MOXD1: variants seen among roughly 807,000 people sequenced by gnomAD.
MOXD1 encodes the protein DBH-like monooxygenase protein 1.
In MOXD1, 62 loss-of-function variants were observed where a neutral mutation model predicts 66.6. The observed-to-expected ratio is 0.93, with a 90% CI of 0.76 to 1.15. The LOEUF (loss-of-function observed/expected upper bound fraction) is 1.15. Ranked by LOEUF, MOXD1 falls within the 50% of genes most tolerant of loss-of-function variation. The pLI is 0.00. For missense variants in MOXD1, 847 were observed against 754.6 expected (o/e 1.12, Z -1.44); for synonymous variants, 303 against 281.9 (o/e 1.07, Z -0.75).
chr6:132,324,443 GAATA>G (rs1374667817), intron 6 of MOXD1, among the ~76,000 whole-genome samples: 4 of 152,124 alleles, frequency 2.6e-5, no homozygotes, highest in South Asian at 2.1e-4. Flanking sequence ...TTAGAATATA[GAATA>G]AATAACTTAA....
intron 10 of MOXD1, among the ~76,000 whole-genome samples, chr6:132,310,960 T>G (rs1339347832): frequency 6.6e-6 from 1 of 151,934 alleles, no homozygotes; most frequent in Non-Finnish European, 1.5e-5. Flanking sequence ...TGTATCCCGT[T>G]TTTTGTTTGT....
intron 6 of MOXD1, 84 bp from the exon 7 acceptor site, chr6:132,324,181 A>G (rs1775140238): frequency 7.2e-7 from 1 of 1,382,738 alleles, no homozygotes; most frequent in Non-Finnish European, 1.0e-6. Context: ...TGAATTTTTT[A>G]AAGTTTTCAT....
chr6:132,300,034 C>G (rs1353540572), intron 10 of MOXD1, among the ~76,000 whole-genome samples: 1 of 151,720 alleles, frequency 6.6e-6, no homozygotes, highest in Non-Finnish European at 1.5e-5. Context: ...AATATTTCTT[C>G]CATATCTAAT....
chr6:132,376,537 G>A (rs1341732540), intron 1 of MOXD1, among the ~76,000 whole-genome samples: 1 of 80,000 alleles, frequency 1.3e-5, no homozygotes, highest in Non-Finnish European at 1.9e-5. Flanking sequence ...TTTTTGAGAC[G>A]GAGTCTCGCT....
rs9493285 is a variant in MOXD1, at chr6:132,320,625, T to C, written c.1365+4A>G. 21 of 1,601,284 alleles carry C rather than the reference T, an allele frequency of 1.3e-5. No individual in the cohort carries two copies. The highest frequency in any genetic ancestry group is 2.7e-5 in the African/African-American group (2 of 74,318). ...AACTTTAATAATAATAAAAGTTTTC[T>C]TACCCAAGTCATCTCAGCTCTATCT... On this transcript the variant is annotated splice_donor_region_variant and intron_variant, in intron 9 of 11. Transcript: ENST00000367963.
At chr6:132,318,781 T>C (rs1775011563) in intron 9 of MOXD1, among the ~76,000 whole-genome samples, 1 of 152,104 alleles carries the variant, frequency 6.6e-6, no homozygotes, top group African/African-American at 2.4e-5. Flanking sequence ...CTTCCAGCGG[T>C]TTTAAATTTT....
intron 4 of MOXD1, among the ~76,000 whole-genome samples, chr6:132,338,748 TTCTATC>T (rs1291586970): frequency 6.6e-6 from 1 of 152,222 alleles, no homozygotes; most frequent in African/African-American, 2.4e-5. Context: ...CTTTATTATT[TTCTATC>T]TCTATTTCTT....
chr6:132,385,010 C>T (rs1776597260), intron 1 of MOXD1, among the ~76,000 whole-genome samples: 2 of 152,152 alleles, frequency 1.3e-5, no homozygotes, highest in Admixed American at 1.3e-4. Flanking sequence ...GGTAGTATCA[C>T]TGGAGAGAGG....
chr6:132,345,246 GA>G (rs967368938), intron 4 of MOXD1, among the ~76,000 whole-genome samples: 6 of 152,260 alleles, frequency 3.9e-5, no homozygotes, highest in African/African-American at 1.4e-4. Context: ...AGATAACATA[GA>G]AAAATACTAT....
chr6:132,331,653 C>T (rs146197572), intron 4 of MOXD1, among the ~76,000 whole-genome samples: 1 of 152,250 alleles, frequency 6.6e-6, no homozygotes, highest in African/African-American at 2.4e-5. Flanking sequence ...ATATTTACAA[C>T]AAATCTATAA....
intron 4 of MOXD1, among the ~76,000 whole-genome samples, chr6:132,340,848 G>T (rs938312315): frequency 6.6e-6 from 1 of 151,674 alleles, no homozygotes; most frequent in Non-Finnish European, 1.5e-5. Context: ...GGGTTTCATC[G>T]TGTTAGCCAG....
At chr6:132,314,117 C>G (rs1265831897) in intron 10 of MOXD1, among the ~76,000 whole-genome samples, 1 of 152,130 alleles carries the variant, frequency 6.6e-6, no homozygotes, top group South Asian at 2.1e-4. Flanking sequence ...GATACATCAA[C>G]CTTAATATAT....
At chr6:132,383,571 T>C (rs77115489) in intron 1 of MOXD1, among the ~76,000 whole-genome samples, 4,364 of 152,292 alleles carry the variant, frequency 0.029, 206 homozygotes, top group African/African-American at 0.1. Flanking sequence ...TTTTCTCCCA[T>C]GCCAACTGTC....
chr6:132,401,045 G>T, intron 1 of MOXD1, 118 bp downstream of exon 1: 2 of 1,265,942 alleles, frequency 1.6e-6, no homozygotes, highest in South Asian at 3.5e-5. Context: ...CGGGGGCGCG[G>T]GGCTGCGCCA....
intron 9 of MOXD1, 121 bp downstream of exon 9, chr6:132,320,508 T>C: frequency 2.6e-6 from 2 of 762,146 alleles, no homozygotes; most frequent in Non-Finnish European, 4.1e-6. Context: ...TGATACTTGA[T>C]ACTCAAGATT....
intron 4 of MOXD1, among the ~76,000 whole-genome samples, chr6:132,348,656 T>C (rs183153785): frequency 6.6e-6 from 1 of 152,334 alleles, no homozygotes; most frequent in Non-Finnish European, 1.5e-5. Context: ...TTATTCCATA[T>C]TGTATAAAAA....
chr6:132,299,739 T>A (rs1774488740), intron 10 of MOXD1, among the ~76,000 whole-genome samples: 1 of 152,262 alleles, frequency 6.6e-6, no homozygotes, highest in South Asian at 2.1e-4. Context: ...CCATGGACCT[T>A]GCAGGAAATT....
chr6:132,386,005 C>T lies in MOXD1; in HGVS notation c.265-11228G>A, dbSNP rs1282168923. ...GTAGTCCCAGCTACTCGGGAGGCTG[C>T]GGCAGGAGAATGGCGTGAACCCAGG... On this transcript the variant is annotated intron_variant, in intron 1 of 11. Transcript: ENST00000367963. 1.3e-4 allele frequency among the ~76,000 whole-genome samples: 18 copies of T among 137,246 alleles called. 1 individual carries two copies. The highest frequency in any genetic ancestry group is 1.2e-3 in the Admixed American group (16 of 13,782). 90.0% of individuals were successfully genotyped at this position (137,246 alleles called of 152,430 possible).
At chr6:132,373,482 C>T (rs1361801497) in intron 2 of MOXD1, among the ~76,000 whole-genome samples, 6 of 152,160 alleles carry the variant, frequency 3.9e-5, no homozygotes, top group Admixed American at 1.3e-4. Flanking sequence ...AGGCACTAGC[C>T]TAGTCACACG....
Sources: allele counts gnomAD v4.1 joint callset (sites outside exome capture counted in the v4.1 genomes callset), GRCh38; gene constraint gnomAD v4.1.1; transcripts MANE v1.5; gene names NCBI Gene and HGNC (gene_info 2026-07-23, HGNC 2026-07-21).